HMGCLL1: variants seen among roughly 807,000 people sequenced by gnomAD.
HMGCLL1 encodes the protein 3-hydroxymethyl-3-methylglutaryl-CoA lyase, cytoplasmic.
A neutral mutation model predicts 39.1 loss-of-function variants in HMGCLL1; 36 were observed. The observed-to-expected ratio is 0.92, with a 90% confidence interval of 0.71 to 1.22. The LOEUF is 1.22. HMGCLL1 is among the 50% of genes most tolerant of loss of function. HMGCLL1 has a pLI of 0.00. For synonymous variants in HMGCLL1, 149 were observed against 144.0 expected, an observed-to-expected ratio of 1.03 and a Z score of -0.25; for missense variants, 451 against 416.5, an observed-to-expected ratio of 1.08 and a Z score of -0.72.
At chr6:55,562,928 G>GA (rs970364075) in intron 1 of HMGCLL1, among the ~76,000 whole-genome samples, 25 of 149,028 alleles carry the variant, frequency 1.7e-4, no homozygotes, top group East Asian at 5.9e-4. Context: ...CTAACTCCAA[G>GA]AAAAAAAAAT....
chr6:55,477,368 AATATAATATATAT>A (rs1765475005), intron 7 of HMGCLL1, among the ~76,000 whole-genome samples: 1 of 23,966 alleles, frequency 4.2e-5, no homozygotes, highest in Non-Finnish European at 7.4e-5. Context: ...ATATTATATT[AATATAATATATAT>A]TATCTAAATA....
the HMGCLL1 span, among the ~76,000 whole-genome samples, chr6:55,613,484 T>C: frequency 2.6e-5 from 4 of 152,066 alleles, no homozygotes; most frequent in Non-Finnish European, 5.9e-5. Flanking sequence ...ATTATAAAGA[T>C]ACATGCACAC....
intron 7 of HMGCLL1, among the ~76,000 whole-genome samples, chr6:55,454,376 C>CA (rs1247346975): frequency 8.5e-5 from 13 of 152,148 alleles, no homozygotes; most frequent in Non-Finnish European, 1.6e-4. Flanking sequence ...ATACAAGACT[C>CA]AGAAGCTCAG....
At chr6:55,529,495 T>C (rs1038503609) in intron 3 of HMGCLL1, among the ~76,000 whole-genome samples, 3 of 86,170 alleles carry the variant, frequency 3.5e-5, no homozygotes, top group Non-Finnish European at 8.6e-5. Context: ...AGACACTGGC[T>C]GTGGAAAAAA....
At chr6:55,577,294 C>A in intron 1 of HMGCLL1, 2 of 1,296,234 alleles carry the variant, frequency 1.5e-6, no homozygotes, top group Non-Finnish European at 2.1e-6. Flanking sequence ...TTTAAAAATT[C>A]CCGAGAACAC....
chr6:55,628,774 T>C, the HMGCLL1 span, among the ~76,000 whole-genome samples: 5 of 152,222 alleles, frequency 3.3e-5, no homozygotes, highest in African/African-American at 1.2e-4. Flanking sequence ...TGATAGTGAA[T>C]AAGTCTCATG....
At chr6:55,556,228 G>A (rs2127467901) in intron 1 of HMGCLL1, among the ~76,000 whole-genome samples, 1 of 152,156 alleles carries the variant, frequency 6.6e-6, no homozygotes, top group African/African-American at 2.4e-5. Flanking sequence ...AAAATATATA[G>A]TATAAGTGTT....
chr6:55,540,348 G>C (rs1397832448), intron 3 of HMGCLL1, among the ~76,000 whole-genome samples: 1 of 152,078 alleles, frequency 6.6e-6, no homozygotes, highest in African/African-American at 2.4e-5. Context: ...ATCCTAACCT[G>C]TAATGTGATA....
intron 1 of HMGCLL1, among the ~76,000 whole-genome samples, chr6:55,547,754 C>T (rs902159619): frequency 3.3e-5 from 5 of 151,932 alleles, no homozygotes; most frequent in Admixed American, 1.3e-4. Flanking sequence ...TTTTTGTTGT[C>T]TCATTTGAAA....
chr6:55,493,185 T>G (rs1019465430), intron 7 of HMGCLL1, among the ~76,000 whole-genome samples: 1 of 152,104 alleles, frequency 6.6e-6, no homozygotes, highest in Non-Finnish European at 1.5e-5. Context: ...CTTAGGTCTT[T>G]CCAGTTCTGC....
chr6:55,659,324 C>A, the HMGCLL1 span, among the ~76,000 whole-genome samples: 4 of 151,874 alleles, frequency 2.6e-5, no homozygotes, highest in East Asian at 7.8e-4. Context: ...CGGGCCCTAA[C>A]TAAAATCATT....
At chr6:55,604,169 C>T in the HMGCLL1 span, among the ~76,000 whole-genome samples, 1 of 152,020 alleles carries the variant, frequency 6.6e-6, no homozygotes, top group Admixed American at 6.6e-5. Context: ...AGGCTTCACC[C>T]CTAGTGAATG....
intron 1 of HMGCLL1, among the ~76,000 whole-genome samples, chr6:55,545,415 T>C (rs1769906273): frequency 6.6e-6 from 1 of 152,168 alleles, no homozygotes; most frequent in Non-Finnish European, 1.5e-5. Context: ...AGAATATGTG[T>C]TCACTTGACA....
Position 55,434,710 on chromosome 6 carries a change from C to A in HMGCLL1, c.*952G>T, listed in dbSNP as rs925317302. The A allele has an allele frequency of 5.9e-4, 90 of 151,914 alleles. No individual in the cohort carries two copies. The highest frequency in any genetic ancestry group is 2.1e-3 in the African/African-American group (87 of 41,384). 9.4% of individuals were successfully genotyped at this position (151,914 alleles called of 1,614,324 possible). A position where few individuals can be genotyped will look rare whatever the true frequency, so the allele number is the denominator to read the frequency against. ...GCCACTTCAACTTCTAAAATAACCA[C>A]TAAAAAATACACCAAAAAATAATGT... On this transcript the variant is annotated 3_prime_UTR_variant, in exon 9 of 9. Transcript: ENST00000274901.
intron 8 of HMGCLL1, among the ~76,000 whole-genome samples, chr6:55,438,906 C>T (rs1419293034): frequency 2.0e-5 from 3 of 151,942 alleles, no homozygotes; most frequent in Non-Finnish European, 4.4e-5. Context: ...TTACATAGCA[C>T]GTGACTTTTC....
chr6:55,456,086 C>T (rs1412727914), intron 7 of HMGCLL1, among the ~76,000 whole-genome samples: 2 of 152,072 alleles, frequency 1.3e-5, no homozygotes, highest in Non-Finnish European at 2.9e-5. Flanking sequence ...GAAGGTCACA[C>T]GCATATAAGC....
Position 55,579,148 on chromosome 6 carries a change from C to G in HMGCLL1, c.-93G>C. ...CTGGGAAACTGCGCCAGCTCGGGAG[C>G]GCGCCCCTCCGGTGCACTGGCTGTG... On this transcript the variant is annotated 5_prime_UTR_variant, in exon 1 of 9. Coordinates refer to ENST00000274901, the MANE Select transcript of HMGCLL1 (RefSeq NM_001042406.2). The G allele has an allele frequency of 3.2e-6, 3 of 934,182 alleles. No individual in the cohort carries two copies. Among genetic ancestry groups the G allele is most frequent in the South Asian group, 1.4e-5 (1 of 70,800 alleles). The allele number at this position is 934,182 out of a possible 1,614,324, so 57.9% of individuals were successfully genotyped here.
chr6:55,480,011 T>G (rs1303048068), intron 7 of HMGCLL1, among the ~76,000 whole-genome samples: 1 of 151,654 alleles, frequency 6.6e-6, no homozygotes, highest in Non-Finnish European at 1.5e-5. Context: ...GTTAAAGAAG[T>G]GAGAGAGTTT....
intron 7 of HMGCLL1, among the ~76,000 whole-genome samples, chr6:55,489,299 G>C (rs1472708973): frequency 6.6e-6 from 1 of 151,858 alleles, no homozygotes; most frequent in African/African-American, 2.4e-5. Flanking sequence ...ACAAGTATTT[G>C]GTTAAAAACA....
Sources: allele counts gnomAD v4.1 joint callset (sites outside exome capture counted in the v4.1 genomes callset), GRCh38; gene constraint gnomAD v4.1.1; transcripts MANE v1.5; gene names NCBI Gene and HGNC (gene_info 2026-07-23, HGNC 2026-07-21).